The following ARHGAP17 variants were observed in gnomAD, a reference collection of about 807,000 sequenced individuals.
The protein encoded by ARHGAP17 is rho GTPase-activating protein 17.
Under a neutral mutation model 99.5 loss-of-function variants are expected in ARHGAP17, and 57 were observed. The ratio of observed to expected loss-of-function variants is 0.57; its 90% CI spans 0.46 to 0.71. ARHGAP17 has a LOEUF of 0.71. Ranked by LOEUF, ARHGAP17 falls within the 30% of genes least tolerant of loss-of-function variation. The pLI is 0.00. For missense variants in ARHGAP17, 1,000 were observed against 1,122.4 expected (o/e 0.89, Z 1.56); for synonymous variants, 417 against 429.6 (o/e 0.97, Z 0.36).
At chr16:24,997,518 T>C (rs1329652536) in intron 1 of ARHGAP17, among the ~76,000 whole-genome samples, 1 of 152,144 alleles carries the variant, frequency 6.6e-6, no homozygotes, top group East Asian at 1.9e-4. Context: ...GTGTGGAATA[T>C]GTGAGGGAAA....
At chr16:25,009,037 T>A (rs117387117) in intron 1 of ARHGAP17, among the ~76,000 whole-genome samples, 4 of 152,148 alleles carry the variant, frequency 2.6e-5, no homozygotes, top group African/African-American at 9.7e-5. Context: ...ACATTACCTA[T>A]CCCTTCTCAG....
chr16:24,979,009 T>A lies in ARHGAP17; in HGVS notation c.54-4A>T, dbSNP rs770119788. 6.3e-7 allele frequency: 1 copy of A among 1,580,270 alleles called. No homozygotes were observed. The highest frequency in any genetic ancestry group is 8.6e-7 in the Non-Finnish European group (1 of 1,166,260). On this transcript the variant is annotated splice_polypyrimidine_tract_variant and splice_region_variant and intron_variant, in intron 1 of 19. Coordinates refer to ENST00000289968, the MANE Select transcript of ARHGAP17 (RefSeq NM_001006634.3). ...AAGGACTTCTGTTTTCTCAGCTCTG[T>A]GGGAAAAATTAAAAATTCAGAGTTA...
At position 24,968,666 on chromosome 16, in the gene ARHGAP17, C is replaced by T; in HGVS notation, c.379G>A (p.Ala127Thr). Residue 127 changes from alanine (A) to threonine (T), a missense_variant, in exon 5 of 20, where the codon GCT becomes ACT. By Grantham distance (58) the Ala-to-Thr change is moderately conservative. Coordinates refer to ENST00000289968, the MANE Select transcript of ARHGAP17 (RefSeq NM_001006634.3). ...CTGCACGGTGAAGCACCCACCTCAGCTATGCCGTACAGAGGGTCCACGATC... is the reference window on the plus strand; with the variant it reads ...CTGCACGGTGAAGCACCCACCTCAGTTATGCCGTACAGAGGGTCCACGATC... Reference protein sequence around the residue: ...KEIVDPLYGIAEVEIPNIQKQ... With the variant: ...KEIVDPLYGITEVEIPNIQKQ... The T allele has an allele frequency of 1.2e-6, 2 of 1,614,200 alleles. No homozygotes were observed. The highest frequency in any genetic ancestry group is 1.7e-6 in the Non-Finnish European group (2 of 1,180,006).
intron 18 of ARHGAP17, among the ~76,000 whole-genome samples, chr16:24,932,811 G>A (rs921703898): frequency 6.6e-6 from 1 of 151,970 alleles, no homozygotes; most frequent in African/African-American, 2.4e-5. Flanking sequence ...GGAGGGGTAG[G>A]GGGAAAGGAG....
rs748096804 is a variant in ARHGAP17, at chr16:24,979,039, TC to T, written c.54-35del. The stretch of plus-strand genomic sequence containing the variant: ...AAAATTAAAAATTCAGAGTTAGAAA[TC>T]CAAAAATGAAAGGCAACTCCTAAAA... On this transcript the variant is annotated intron_variant, in intron 1 of 19. Coordinates refer to ENST00000289968, the MANE Select transcript of ARHGAP17 (RefSeq NM_001006634.3). The T allele has an allele frequency of 2.7e-6, 4 of 1,490,606 alleles. No homozygotes were observed. In the East Asian group the frequency reaches 9.1e-5, roughly 34 times the overall value. 92.3% of individuals were successfully genotyped at this position (1,490,606 alleles called of 1,614,324 possible). A position where few individuals can be genotyped will look rare whatever the true frequency, so the allele number is the denominator to read the frequency against.
At chr16:24,965,878 C>A (rs2052165674) in intron 6 of ARHGAP17, among the ~76,000 whole-genome samples, 1 of 152,212 alleles carries the variant, frequency 6.6e-6, no homozygotes, top group Admixed American at 6.5e-5. Context: ...TGGATTCCTA[C>A]TTATTACCAT....
At chr16:24,947,366 A>G (rs1290766024) in intron 14 of ARHGAP17, 116 bp downstream of exon 14, 5 of 946,598 alleles carry the variant, frequency 5.3e-6, no homozygotes, top group Non-Finnish European at 7.9e-6. Context: ...GAGAAAACCA[A>G]CTTCAGAATA....
chr16:24,929,802 C>T, intron 19 of ARHGAP17: 1 of 370,932 alleles, frequency 2.7e-6, no homozygotes, highest in Non-Finnish European at 3.7e-6. Flanking sequence ...TTATCAAAAG[C>T]TGTTAGAATC....
intron 18 of ARHGAP17, among the ~76,000 whole-genome samples, chr16:24,934,901 T>C (rs1330693660): frequency 2.0e-5 from 3 of 151,674 alleles, no homozygotes; most frequent in Non-Finnish European, 4.4e-5. Flanking sequence ...GAGGAGGGAG[T>C]GTAAGCTCTG....
At chr16:24,929,467 G>A (rs1240792999) in intron 19 of ARHGAP17, 2 of 343,634 alleles carry the variant, frequency 5.8e-6, no homozygotes, top group African/African-American at 2.2e-5. Context: ...GCTACAGAAT[G>A]GATGGCCTAT....
rs537131924 is a variant in ARHGAP17, at chr16:24,947,998, A to T, written c.1128-403T>A. Reference sequence around the variant, plus strand: ...TGTATTTGAAAACACTTTATGGTGGAATTATAAAAATATCCAATTTATCAT... The same window carrying T: ...TGTATTTGAAAACACTTTATGGTGGTATTATAAAAATATCCAATTTATCAT... On this transcript the variant is annotated intron_variant, in intron 13 of 19. Coordinates refer to ENST00000289968, the MANE Select transcript of ARHGAP17 (RefSeq NM_001006634.3). 4.6e-5 allele frequency among the ~76,000 whole-genome samples: 7 copies of T among 152,364 alleles called. No individual in the cohort carries two copies. The South Asian group carries it at 1.4e-3, about 32-fold the overall frequency.
intron 3 of ARHGAP17, among the ~76,000 whole-genome samples, chr16:24,972,158 T>G (rs1436246660): frequency 1.3e-5 from 2 of 152,190 alleles, no homozygotes; most frequent in Non-Finnish European, 2.9e-5. Context: ...CACTGGCTTG[T>G]ACTGGACAGA....
rs1439591751 is a variant in ARHGAP17, at chr16:24,959,719, C to T, written c.676G>A (p.Ala226Thr). The change falls in exon 9 of 20, where the codon GCA becomes ACA. Residue 226 changes from alanine to threonine, a missense_variant. Coordinates refer to ENST00000289968, the MANE Select transcript of ARHGAP17 (RefSeq NM_001006634.3). ...AGGGTCTTTTCTAAGACTGCTAATG[C>T]TTTTCTATGGTAATCTGCTTGGGCT... Reference protein sequence around the residue: ...LEAQADYHRKALAVLEKTLPE... With the variant: ...LEAQADYHRKTLAVLEKTLPE... 1.2e-6 allele frequency: 2 copies of T among 1,614,086 alleles called. No individual in the cohort carries two copies. Among genetic ancestry groups the T allele is most frequent in the South Asian group, 1.1e-5 (1 of 91,082 alleles).
intron 1 of ARHGAP17, among the ~76,000 whole-genome samples, chr16:25,001,186 GATA>G (rs2053350632): frequency 6.6e-6 from 1 of 151,968 alleles, no homozygotes; most frequent in South Asian, 2.1e-4. Flanking sequence ...GCACAACACT[GATA>G]ATATTATGTA....
intron 1 of ARHGAP17, among the ~76,000 whole-genome samples, chr16:24,993,945 T>C (rs914141676): frequency 1.3e-5 from 2 of 152,198 alleles, no homozygotes; most frequent in African/African-American, 4.8e-5. Context: ...CCTTCCAAAC[T>C]GGGCTTTGCA....
In ARHGAP17 at chr16:24,939,524, C is replaced by G. The variant is rs145791095; in HGVS notation, c.1564G>C (p.Ala522Pro). 1 of 1,608,622 alleles carries G rather than the reference C, an allele frequency of 6.2e-7. No individual in the cohort carries two copies. The highest frequency in any genetic ancestry group is 8.5e-7 in the Non-Finnish European group (1 of 1,178,262). Residue 522 changes from alanine to proline, a missense_variant, in exon 17 of 20, where the codon GCT becomes CCT. By Grantham distance (27) the Ala-to-Pro change is conservative. Around this residue, in one of 2 missense-constraint regions of ARHGAP17, gnomAD observed 528 missense variants for 511.4 expected, o/e 1.03. Coordinates refer to ENST00000289968, the MANE Select transcript of ARHGAP17 (RefSeq NM_001006634.3). ...GTGGGCGGAAGTGGCGGCTGGAAAG[C>G]GGGGGATATGTGCTTTCTATTTAGA... ...GTLNRKHISP[A>P]FQPPLPPTDG...
chr16:24,955,085 T>C lies in ARHGAP17; in HGVS notation c.725-355A>G. 5.2e-6 allele frequency: 1 copy of C among 193,446 alleles called. No homozygotes were observed. Among genetic ancestry groups the C allele is most frequent in the South Asian group, 1.6e-4 (1 of 6,258 alleles). 12.0% of individuals were successfully genotyped at this position (193,446 alleles called of 1,614,324 possible). A position where few individuals can be genotyped will look rare whatever the true frequency, so the allele number is the denominator to read the frequency against. On this transcript the variant is annotated intron_variant, in intron 9 of 19. Coordinates refer to ENST00000289968, the MANE Select transcript of ARHGAP17 (RefSeq NM_001006634.3). This position sits in a 1 kb window ranked among gnomAD's most constrained non-coding sequence, Gnocchi z 4.0. Reference sequence around the variant, plus strand: ...AGGAAGATTTGCCAGAGCATACCGTTTCGTTGAAAAGAAATTTATTCTAGC... The same window carrying C: ...AGGAAGATTTGCCAGAGCATACCGTCTCGTTGAAAAGAAATTTATTCTAGC...
chr16:24,924,529 T>C (rs959878198), intron 19 of ARHGAP17, among the ~76,000 whole-genome samples: 1 of 151,220 alleles, frequency 6.6e-6, no homozygotes, highest in Non-Finnish European at 1.5e-5. Context: ...AGGCAGAGAA[T>C]ATATAAATTC....
intron 3 of ARHGAP17, among the ~76,000 whole-genome samples, chr16:24,976,982 G>A (rs900999125): frequency 1.3e-5 from 2 of 152,214 alleles, no homozygotes; most frequent in African/African-American, 4.8e-5. Flanking sequence ...ACACATGATC[G>A]TGGAGCTTTT....
Sources: allele counts gnomAD v4.1 joint callset (sites outside exome capture counted in the v4.1 genomes callset), GRCh38; gene constraint gnomAD v4.1.1; regional missense constraint gnomAD v4.1.1; non-coding constraint Gnocchi (gnomAD v3.1); transcripts MANE v1.5; gene names NCBI Gene and HGNC (gene_info 2026-07-23, HGNC 2026-07-21).